IKZF2: variants seen among roughly 807,000 people sequenced by gnomAD.
IKZF2 encodes zinc finger protein Helios.
IKZF2 carries 15 observed loss-of-function variants against 49.2 expected under a neutral mutation model. The observed-to-expected ratio is 0.30, with a 90% confidence interval of 0.20 to 0.47. The LOEUF is 0.47. Among genes scored for constraint, IKZF2 ranks in the 20% least tolerant of loss-of-function variants. IKZF2 has a pLI of 1.00. For synonymous variants in IKZF2, 227 were observed against 221.4 expected (o/e 1.03, Z -0.23); for missense variants, 567 against 664.6 (o/e 0.85, Z 1.61).
At chr2:213,049,970 A>G in intron 5 of IKZF2, 90 bp from the exon 6 acceptor site, 1 of 886,876 alleles carries the variant, frequency 1.1e-6, no homozygotes, top group Non-Finnish European at 1.6e-6. Context: ...CCAGTTCTCT[A>G]TGCTAAAAAT....
At chr2:213,042,834 G>A (rs1040109608) in intron 6 of IKZF2, among the ~76,000 whole-genome samples, 6 of 151,752 alleles carry the variant, frequency 4.0e-5, no homozygotes. Context: ...AAAGAAAAGA[G>A]CTTGGCCTTA....
At chr2:213,123,770 T>C (rs1444117471) in intron 4 of IKZF2, among the ~76,000 whole-genome samples, 3 of 152,108 alleles carry the variant, frequency 2.0e-5, no homozygotes, top group African/African-American at 7.2e-5. Context: ...ACATAATATA[T>C]ATGTTAAGCA....
chr2:213,034,998 A>G (rs1052634548), intron 6 of IKZF2, among the ~76,000 whole-genome samples: 4 of 152,226 alleles, frequency 2.6e-5, no homozygotes, highest in Admixed American at 6.5e-5. Flanking sequence ...AAAATAATCA[A>G]TTCAGAAGCA....
At chr2:213,080,858 T>G (rs1386846838) in intron 4 of IKZF2, among the ~76,000 whole-genome samples, 1 of 152,304 alleles carries the variant, frequency 6.6e-6, no homozygotes, top group East Asian at 1.9e-4. Flanking sequence ...AGCTATTTAC[T>G]AAGCTCCTTC....
intron 8 of IKZF2, among the ~76,000 whole-genome samples, chr2:213,011,242 T>G (rs895172932): frequency 1.3e-5 from 2 of 152,018 alleles, no homozygotes; most frequent in African/African-American, 4.8e-5. Flanking sequence ...ATTTCATCTT[T>G]GAAGAAAAGG....
At chr2:213,112,328 A>C (rs1038539239) in intron 4 of IKZF2, among the ~76,000 whole-genome samples, 3 of 100,896 alleles carry the variant, frequency 3.0e-5, no homozygotes, top group Non-Finnish European at 5.4e-5. Context: ...CTTTTTTTTG[A>C]CCCAGACAGA....
chr2:213,025,417 TCAGGA>T (rs1697709836), intron 6 of IKZF2, among the ~76,000 whole-genome samples: 2 of 152,126 alleles, frequency 1.3e-5, no homozygotes, highest in Admixed American at 1.3e-4. Flanking sequence ...ACGAAGAGCA[TCAGGA>T]CATAGCTGTC....
chr2:213,003,065 T>A lies in IKZF2; in HGVS notation c.*4295A>T, dbSNP rs1695039286. On this transcript the variant is annotated 3_prime_UTR_variant, in exon 9 of 9. Transcript: ENST00000434687. The stretch of plus-strand genomic sequence containing the variant: ...AGCTGAAAATTTCTCTATTAGAAAT[T>A]GCTCTAAAGATTTGCACTAAAAATG... 6.6e-6 allele frequency: 1 copy of A among 152,022 alleles called. No individual in the cohort carries two copies. Among genetic ancestry groups the A allele is most frequent in the Non-Finnish European group, 1.5e-5 (1 of 67,640 alleles). The allele number at this position is 152,022 out of a possible 1,614,324, so 9.4% of individuals were successfully genotyped here.
intron 4 of IKZF2, among the ~76,000 whole-genome samples, chr2:213,106,003 C>T (rs1335807546): frequency 2.0e-5 from 3 of 151,968 alleles, no homozygotes; most frequent in East Asian, 1.9e-4. Flanking sequence ...TGTTTGAAAA[C>T]GTTTTCTTCA....
At chr2:213,112,825 G>A (rs1013475442) in intron 4 of IKZF2, among the ~76,000 whole-genome samples, 3 of 152,036 alleles carry the variant, frequency 2.0e-5, no homozygotes, top group Non-Finnish European at 2.9e-5. Flanking sequence ...GCTTTTAATT[G>A]CACCTCAGTT....
intron 4 of IKZF2, among the ~76,000 whole-genome samples, chr2:213,079,563 G>GAC: frequency 2.7e-5 from 2 of 74,850 alleles, no homozygotes; most frequent in Non-Finnish European, 5.4e-5. Flanking sequence ...AGGGGAGAGA[G>GAC]AGAGACAGAG....
chr2:213,023,247 A>T (rs1697422714), intron 6 of IKZF2, among the ~76,000 whole-genome samples: 1 of 152,186 alleles, frequency 6.6e-6, no homozygotes, highest in African/African-American at 2.4e-5. Context: ...CCATGCTATG[A>T]CACTGGTCAC....
chr2:213,111,163 T>G (rs2059691937), intron 4 of IKZF2, among the ~76,000 whole-genome samples: 1 of 152,066 alleles, frequency 6.6e-6, no homozygotes, highest in African/African-American at 2.4e-5. Flanking sequence ...TTTTAGATAT[T>G]GAATTTTATT....
At chr2:213,023,790 C>T (rs1041508027) in intron 6 of IKZF2, among the ~76,000 whole-genome samples, 6 of 152,040 alleles carry the variant, frequency 3.9e-5, no homozygotes, top group African/African-American at 1.2e-4. Context: ...AGCTAATAGC[C>T]CGCTGTAAAC....
chr2:213,111,189 T>C (rs1004428678), intron 4 of IKZF2, among the ~76,000 whole-genome samples: 2 of 152,060 alleles, frequency 1.3e-5, no homozygotes, highest in Non-Finnish European at 2.9e-5. Flanking sequence ...GAGCTTCCCA[T>C]AGTAAGACCA....
intron 7 of IKZF2, 82 bp from the exon 8 acceptor site, chr2:213,014,016 A>AT: frequency 7.5e-7 from 1 of 1,327,608 alleles, no homozygotes; most frequent in Non-Finnish European, 1.1e-6. Flanking sequence ...CCATCTCGAT[A>AT]TGTGTTATAA....
At chr2:213,011,603 A>T (rs974168221) in intron 8 of IKZF2, among the ~76,000 whole-genome samples, 9 of 152,100 alleles carry the variant, frequency 5.9e-5, no homozygotes, top group Admixed American at 5.9e-4. Context: ...TAGATATAAG[A>T]TCACCAAGGA....
intron 8 of IKZF2, 85 bp downstream of exon 8, chr2:213,013,706 A>T (rs943899535): frequency 6.6e-6 from 8 of 1,216,926 alleles, no homozygotes; most frequent in Admixed American, 4.5e-5. Flanking sequence ...ACTGAAACAC[A>T]CCATATATAT....
intron 4 of IKZF2, among the ~76,000 whole-genome samples, chr2:213,084,487 T>A (rs1285450032): frequency 2.0e-5 from 3 of 152,118 alleles, no homozygotes; most frequent in Non-Finnish European, 4.4e-5. Flanking sequence ...TTATTATGGC[T>A]TTGGGGTAAG....
Sources: gnomAD v4.1 joint callset for allele counts (sites outside exome capture counted in the v4.1 genomes callset) on GRCh38, gnomAD v4.1.1 for gene constraint, MANE v1.5 for transcripts, NCBI Gene and HGNC (gene_info 2026-07-23, HGNC 2026-07-21) for gene names.